The following FARP2 variants were observed in gnomAD, a reference collection of about 807,000 sequenced individuals.
FARP2 encodes the protein FERM, ARHGEF and pleckstrin domain-containing protein 2.
Under a neutral mutation model 130.5 loss-of-function variants are expected in FARP2, and 111 were observed. The ratio of observed to expected loss-of-function variants is 0.85; its 90% CI spans 0.73 to 1.00. The LOEUF is 1.00. FARP2 is among the 50% of genes least tolerant of loss of function. The pLI is 0.00. For missense variants in FARP2, 1,385 were observed against 1,346.3 expected, an observed-to-expected ratio of 1.03 and a Z score of -0.45; for synonymous variants, 504 against 516.9, an observed-to-expected ratio of 0.98 and a Z score of 0.34.
At chr2:241,423,603 A>G (rs2062861813) in intron 8 of FARP2, among the ~76,000 whole-genome samples, 1 of 152,242 alleles carries the variant, frequency 6.6e-6, no homozygotes, top group African/African-American at 2.4e-5. Context: ...TGAAATTCAC[A>G]TATAACAATA....
intron 1 of FARP2, among the ~76,000 whole-genome samples, chr2:241,360,297 A>G (rs1027283264): frequency 7.9e-5 from 12 of 152,182 alleles, no homozygotes; most frequent in African/African-American, 2.7e-4. Flanking sequence ...ATTTGGGGGA[A>G]GGGGAGAACT....
intron 7 of FARP2, 63 bp from the exon 8 acceptor site, chr2:241,417,899 G>A (rs2062716109): frequency 1.9e-6 from 3 of 1,559,376 alleles, no homozygotes; most frequent in Non-Finnish European, 2.6e-6. Flanking sequence ...CTTCTATAAT[G>A]CATTTTGGCT....
rs1461894855 is a variant in FARP2, at chr2:241,490,035, T to A, written c.2495T>A (p.Val832Glu). ...TIYAAQKTIV[V>E]AASTRLEKEK... ...TACGCGGCTCAGAAAACAATCGTGG[T>A]GGCAGCCAGGTAAGGGTCTTCCATG... Residue 832 changes from valine to glutamate, a missense_variant, in exon 22 of 27, where the codon GTG becomes GAG. Val to Glu is a moderately radical substitution (Grantham distance 121). Coordinates refer to ENST00000264042, the MANE Select transcript of FARP2 (RefSeq NM_014808.4). 1 of 1,613,284 alleles carries A rather than the reference T, an allele frequency of 6.2e-7. No individual in the cohort carries two copies. The highest frequency in any genetic ancestry group is 2.2e-5 in the East Asian group (1 of 44,880).
At chr2:241,425,282 A>G (rs2062904595) in intron 8 of FARP2, among the ~76,000 whole-genome samples, 2 of 152,188 alleles carry the variant, frequency 1.3e-5, no homozygotes, top group Admixed American at 6.5e-5. Flanking sequence ...GAAGGATTTC[A>G]TGACGAAAAT....
rs2063378083 is a variant in FARP2 at position 241,441,343 on chromosome 2, C to G, written c.1198C>G (p.Pro400Ala). The G allele has an allele frequency of 6.2e-7, 1 of 1,611,950 alleles. No individual in the cohort carries two copies. Among genetic ancestry groups the G allele is most frequent in the African/African-American group, 1.3e-5 (1 of 75,032 alleles). The change falls in exon 13 of 27, where the codon CCA (proline) becomes GCA (alanine). Residue 400 changes from proline to alanine, a missense_variant. Transcript: ENST00000264042. ...FPEGLRTPAS[P>A]SSANAFYSLS... ...CGAGGGATTGAGGACTCCTGCCTCC[C>G]CATCTTCAGCGAATGCCTTTTACTC...
intron 4 of FARP2, among the ~76,000 whole-genome samples, chr2:241,406,411 G>A (rs2062349501): frequency 2.4e-5 from 3 of 123,546 alleles, no homozygotes; most frequent in Non-Finnish European, 4.7e-5. Flanking sequence ...ATGTCTGTGT[G>A]TATATATATA....
chr2:241,373,648 G>A (rs1321757155), intron 2 of FARP2, among the ~76,000 whole-genome samples: 1 of 152,158 alleles, frequency 6.6e-6, no homozygotes, highest in South Asian at 2.1e-4. Flanking sequence ...ATGCGGGGAT[G>A]CCACTTAGCT....
chr2:241,482,096 T>C lies in FARP2; in HGVS notation c.2263-1369T>C, dbSNP rs1206667108. On this transcript the variant is annotated intron_variant, in intron 19 of 26. Transcript: ENST00000264042. The surrounding 1 kb of genome is among the most constrained non-coding windows in gnomAD (Gnocchi z 4.6). ...CCAGTTATTTGAGCAGAGGATGTAA[T>C]AGCAAGGATTGTTAACCAGGTATAA... 6.6e-6 allele frequency among the ~76,000 whole-genome samples: 1 copy of C among 152,162 alleles called. No homozygotes were observed. Among genetic ancestry groups the C allele is most frequent in the African/African-American group, 2.4e-5 (1 of 41,420 alleles).
chr2:241,434,919 T>C (rs777889262), intron 10 of FARP2, 43 bp from the exon 11 acceptor site: 1 of 1,153,316 alleles, frequency 8.7e-7, no homozygotes, highest in Non-Finnish European at 1.3e-6. Flanking sequence ...AAATTAATGC[T>C]GACTTACTGT....
intron 10 of FARP2, 144 bp from the exon 11 acceptor site, chr2:241,434,818 A>T: frequency 1.7e-6 from 1 of 602,214 alleles, no homozygotes; most frequent in South Asian, 2.1e-5. Context: ...CCTGGGCAAT[A>T]GAGCGAGACT....
At chr2:241,468,409 A>T (rs1345700168) in intron 18 of FARP2, 32 bp downstream of exon 18, 1 of 1,552,048 alleles carries the variant, frequency 6.4e-7, no homozygotes, top group Non-Finnish European at 8.9e-7. Flanking sequence ...CATCTCAAGG[A>T]TCAGCGTGCG....
intron 1 of FARP2, among the ~76,000 whole-genome samples, chr2:241,366,125 A>ATATATATACATATATATATATACG (rs747717812): frequency 0.013 from 896 of 67,362 alleles, 36 homozygotes; most frequent in African/African-American, 0.044. Context: ...ATATATACGT[A>ATATATATACATATATATATATACG]TATATATATA....
chr2:241,382,807 T>C (rs1044193005), intron 2 of FARP2, among the ~76,000 whole-genome samples: 62 of 152,236 alleles, frequency 4.1e-4, no homozygotes, highest in African/African-American at 1.4e-3. Flanking sequence ...TAGTAACATC[T>C]CCTGTTTAAT....
At chr2:241,408,103 C>T (rs1230725598) in intron 5 of FARP2, among the ~76,000 whole-genome samples, 1 of 152,194 alleles carries the variant, frequency 6.6e-6, no homozygotes, top group Admixed American at 6.5e-5. Flanking sequence ...GGTGCAATGG[C>T]TCACGCCTGT....
At chr2:241,447,919 T>C (rs2063548898) in intron 13 of FARP2, among the ~76,000 whole-genome samples, 1 of 152,128 alleles carries the variant, frequency 6.6e-6, no homozygotes, top group African/African-American at 2.4e-5. Context: ...GGGAAGGTGG[T>C]GGTGCCTCCC....
intron 11 of FARP2, among the ~76,000 whole-genome samples, chr2:241,436,272 T>G (rs1316319716): frequency 6.6e-6 from 1 of 152,172 alleles, no homozygotes; most frequent in Non-Finnish European, 1.5e-5. Context: ...TTTCCTTTAG[T>G]GTGGGTGTGT....
chr2:241,418,186 G>T, intron 8 of FARP2, 77 bp downstream of exon 8: 1 of 1,510,782 alleles, frequency 6.6e-7, no homozygotes, highest in Admixed American at 1.8e-5. Context: ...TGTTCTTATA[G>T]ATGTTAGTAA....
chr2:241,467,939 G>A (rs1009847346), intron 17 of FARP2, among the ~76,000 whole-genome samples: 10 of 152,220 alleles, frequency 6.6e-5, no homozygotes, highest in African/African-American at 2.4e-4. Flanking sequence ...GGTGGAATGA[G>A]GTGCAGGTCA....
At chr2:241,431,116 C>T (rs2063079465) in intron 8 of FARP2, among the ~76,000 whole-genome samples, 1 of 152,110 alleles carries the variant, frequency 6.6e-6, no homozygotes, top group Non-Finnish European at 1.5e-5. Flanking sequence ...TGGTGAATTG[C>T]TTTTAGATGA....
Sources: gnomAD v4.1 joint callset for allele counts (sites outside exome capture counted in the v4.1 genomes callset) on GRCh38, gnomAD v4.1.1 for gene constraint, Gnocchi (gnomAD v3.1) non-coding constraint, MANE v1.5 for transcripts, NCBI Gene and HGNC (gene_info 2026-07-23, HGNC 2026-07-21) for gene names.